Variants in SASS6 observed in about 807,000 individuals in gnomAD.
The protein encoded by SASS6 is SAS-6 centriolar assembly protein, also known as spindle assembly abnormal protein 6 homolog.
In SASS6, 59 loss-of-function variants were observed where a neutral mutation model predicts 94.9. That is an observed-to-expected ratio of 0.62 (90% CI 0.50 to 0.77). The LOEUF is 0.77. Ranked by LOEUF, SASS6 falls within the 30% of genes least tolerant of loss-of-function variation. SASS6 has a pLI of 0.00. For synonymous variants in SASS6, 264 were observed against 270.0 expected, an observed-to-expected ratio of 0.98 and a Z score of 0.22; for missense variants, 698 against 734.1, an observed-to-expected ratio of 0.95 and a Z score of 0.57.
chr1:100,105,120 CTCT>C (rs1169631992), intron 13 of SASS6, among the ~76,000 whole-genome samples: 1 of 152,146 alleles, frequency 6.6e-6, no homozygotes, highest in Non-Finnish European at 1.5e-5. Flanking sequence ...CCTGAATTCT[CTCT>C]TCTTCAAGTC....
intron 13 of SASS6, among the ~76,000 whole-genome samples, chr1:100,105,355 G>GTA (rs1362525838): frequency 6.6e-6 from 1 of 152,056 alleles, no homozygotes; most frequent in Non-Finnish European, 1.5e-5. Context: ...GGTGAAATCT[G>GTA]TTTCTACTAA....
Position 100,103,010 on chromosome 1 carries a change from G to A in SASS6, c.1619C>T (p.Thr540Ile). The change falls in exon 14 of 17, where the codon ACC becomes ATC. Residue 540 changes from threonine to isoleucine, a missense_variant. By Grantham distance (89) the Thr-to-Ile change is moderately conservative. Coordinates refer to ENST00000287482, the MANE Select transcript of SASS6 (RefSeq NM_194292.3). ...PVSSAFAFQN[T>I]FPHSISAKNT... ...TTTGGCAGATATCGAATGAGGGAAG[G>A]TATTCTGGAATGCAAATGCAGAGGA... 6.2e-7 allele frequency: 1 copy of A among 1,610,224 alleles called. No individual in the cohort carries two copies. The highest frequency in any genetic ancestry group is 1.3e-5 in the African/African-American group (1 of 74,912).
At position 100,108,017 on chromosome 1, in the gene SASS6, A is replaced by G. The variant is rs781460789; in HGVS notation, c.862-13T>C. ...TCCGCTGTAGCTCCTAGAATGGGAA[A>G]AGAAAGAAATTAAGCATTATGAAAA... On this transcript the variant is annotated splice_polypyrimidine_tract_variant and intron_variant, in intron 8 of 16. Coordinates refer to ENST00000287482, the MANE Select transcript of SASS6 (RefSeq NM_194292.3). 7.8e-6 allele frequency: 12 copies of G among 1,546,248 alleles called. No individual in the cohort carries two copies. The highest frequency in any genetic ancestry group is 2.4e-5 in the South Asian group (2 of 82,262).
chr1:100,127,722 CCCA>C (rs1161608648), intron 1 of SASS6, among the ~76,000 whole-genome samples: 1 of 152,022 alleles, frequency 6.6e-6, no homozygotes, highest in Admixed American at 6.6e-5. Context: ...CACAGTGCCT[CCCA>C]CCTGTAGTGC....
At chr1:100,105,542 C>T (rs1652837717) in intron 13 of SASS6, among the ~76,000 whole-genome samples, 1 of 151,724 alleles carries the variant, frequency 6.6e-6, no homozygotes, top group African/African-American at 2.4e-5. Flanking sequence ...AAAAACAAAA[C>T]AAAACAAAAA....
intron 7 of SASS6, among the ~76,000 whole-genome samples, chr1:100,112,558 T>A (rs1006484715): frequency 1.3e-5 from 2 of 152,236 alleles, no homozygotes; most frequent in South Asian, 2.1e-4. Flanking sequence ...AAATTTGCCC[T>A]ATTAAAATGC....
rs1456209208 is a variant in SASS6, at chr1:100,084,539, T to C, written c.*789A>G. ...TAAAAATAAATGAATATTCATGATATAGTAGATTTAGTAGTAGTACCAAGT... is the reference window on the plus strand; with the variant it reads ...TAAAAATAAATGAATATTCATGATACAGTAGATTTAGTAGTAGTACCAAGT... On this transcript the variant is annotated 3_prime_UTR_variant, in exon 17 of 17. Coordinates refer to ENST00000287482, the MANE Select transcript of SASS6 (RefSeq NM_194292.3). 6.6e-6 allele frequency: 1 copy of C among 152,104 alleles called. No homozygotes were observed. Among genetic ancestry groups the C allele is most frequent in the East Asian group, 1.9e-4 (1 of 5,204 alleles). The allele number at this position is 152,104 out of a possible 1,614,324, so 9.4% of individuals were successfully genotyped here. A position where few individuals can be genotyped will look rare whatever the true frequency, so the allele number is the denominator to read the frequency against.
chr1:100,117,411 G>C (rs534307290), intron 7 of SASS6, among the ~76,000 whole-genome samples: 184 of 152,058 alleles, frequency 1.2e-3, no homozygotes, highest in Non-Finnish European at 2.1e-3. Context: ...CCAGCACTTT[G>C]GGAGGCCAAG....
At chr1:100,128,304 T>C (rs533415562) in intron 1 of SASS6, among the ~76,000 whole-genome samples, 87 of 152,340 alleles carry the variant, frequency 5.7e-4, no homozygotes, top group African/African-American at 2.0e-3. Context: ...CCCAAAGTGA[T>C]AGCAGTACAG....
intron 8 of SASS6, among the ~76,000 whole-genome samples, chr1:100,108,610 G>A (rs1653086272): frequency 6.6e-6 from 1 of 151,984 alleles, no homozygotes; most frequent in South Asian, 2.1e-4. Flanking sequence ...GAAAGCCCAG[G>A]ATACAATATT....
At chr1:100,090,638 T>C (rs1651607984) in intron 14 of SASS6, among the ~76,000 whole-genome samples, 1 of 152,078 alleles carries the variant, frequency 6.6e-6, no homozygotes, top group Admixed American at 6.5e-5. Flanking sequence ...GTGGCCTCAT[T>C]AACAGGGGAA....
intron 13 of SASS6, among the ~76,000 whole-genome samples, chr1:100,103,393 G>A: frequency 6.6e-6 from 1 of 152,078 alleles, no homozygotes; most frequent in East Asian, 1.9e-4. Context: ...TCCTAAAAAA[G>A]GGGGGAATGG....
chr1:100,100,871 G>A (rs1283222693), intron 14 of SASS6, among the ~76,000 whole-genome samples: 5 of 152,126 alleles, frequency 3.3e-5, no homozygotes, highest in South Asian at 2.1e-4. Context: ...TCTTTGAGTC[G>A]GGGAGGACAA....
intron 15 of SASS6, 90 bp downstream of exon 15, chr1:100,088,049 T>C: frequency 3.2e-6 from 2 of 617,184 alleles, no homozygotes; most frequent in South Asian, 4.2e-5. Flanking sequence ...GGTAAACAGG[T>C]GGGCATCACA....
chr1:100,095,167 G>C (rs1652027936), intron 14 of SASS6, among the ~76,000 whole-genome samples: 1 of 152,170 alleles, frequency 6.6e-6, no homozygotes, highest in South Asian at 2.1e-4. Flanking sequence ...TGCTTATGAT[G>C]AAAGACTGAA....
chr1:100,094,831 A>C (rs1570685676), intron 14 of SASS6, among the ~76,000 whole-genome samples: 1 of 150,862 alleles, frequency 6.6e-6, no homozygotes, highest in Admixed American at 6.6e-5. Context: ...ACACTACTGC[A>C]CTCCAGCCAG....
chr1:100,099,207 A>G (rs1386790655), intron 14 of SASS6: 3 of 152,930 alleles, frequency 2.0e-5, no homozygotes. Context: ...AGATAAAGAA[A>G]TTGAGGCAAC....
At chr1:100,088,114 A>G (rs760063746) in intron 15 of SASS6, 25 bp downstream of exon 15, 2 of 1,324,030 alleles carry the variant, frequency 1.5e-6, no homozygotes, top group Admixed American at 1.7e-5. Context: ...TGCAAACATT[A>G]AATTTTATGT....
chr1:100,126,457 TTAA>T (rs1654624463), intron 1 of SASS6, among the ~76,000 whole-genome samples: 1 of 152,222 alleles, frequency 6.6e-6, no homozygotes, highest in Admixed American at 6.5e-5. Flanking sequence ...ATCAAACTGA[TTAA>T]TGAGAGACTG....
Sources: gnomAD v4.1 joint callset for allele counts (sites outside exome capture counted in the v4.1 genomes callset) on GRCh38, gnomAD v4.1.1 for gene constraint, MANE v1.5 for transcripts, NCBI Gene and HGNC (gene_info 2026-07-23, HGNC 2026-07-21) for gene names.